Variants in AOPEP observed in about 807,000 individuals in gnomAD.
AOPEP encodes the protein aminopeptidase O.
Under a neutral mutation model 98.1 loss-of-function variants are expected in AOPEP, and 77 were observed. That is an observed-to-expected ratio of 0.78 (90% CI 0.65 to 0.95). The LOEUF is 0.95. AOPEP is among the 40% of genes least tolerant of loss of function. The pLI, the probability that AOPEP is intolerant of heterozygous loss-of-function variation, is 0.00. For synonymous variants in AOPEP, 346 were observed against 365.3 expected (o/e 0.95, Z 0.60); for missense variants, 1,024 against 1,024.7 (o/e 1.00, Z 0.01).
chr9:94,979,953 G>A (rs2060083174), intron 11 of AOPEP, among the ~76,000 whole-genome samples: 1 of 152,192 alleles, frequency 6.6e-6, no homozygotes, highest in African/African-American at 2.4e-5. Context: ...TCTCAGGCCG[G>A]CCTTCTCACC....
intron 5 of AOPEP, among the ~76,000 whole-genome samples, chr9:94,841,434 A>T (rs1332507597): frequency 2.6e-5 from 4 of 152,166 alleles, no homozygotes; most frequent in Non-Finnish European, 4.4e-5. Flanking sequence ...TTGGCCTCCC[A>T]AAGTGCTGGG....
intron 5 of AOPEP, among the ~76,000 whole-genome samples, chr9:94,913,054 AC>A (rs1485369615): frequency 6.6e-6 from 1 of 152,226 alleles, no homozygotes; most frequent in Non-Finnish European, 1.5e-5. Context: ...AAAGGTAACC[AC>A]CTAGGAATGG....
chr9:95,126,704 G>C, the AOPEP span: 1 of 986,226 alleles, frequency 1.0e-6, no homozygotes, highest in Non-Finnish European at 1.6e-6. Context: ...TACTCCTTTT[G>C]GTTAGAAGAA....
the AOPEP span, chr9:95,101,860 G>C: frequency 1.9e-6 from 3 of 1,613,836 alleles, no homozygotes; most frequent in Non-Finnish European, 2.5e-6. Flanking sequence ...TCTGCAATCA[G>C]GACAGAAGAG....
intron 1 of AOPEP, among the ~76,000 whole-genome samples, chr9:94,747,320 T>C (rs1834731773): frequency 6.6e-6 from 1 of 152,216 alleles, no homozygotes; most frequent in Admixed American, 6.5e-5. Context: ...CTTTTCATTA[T>C]GTTATCTTGC....
chr9:94,950,634 C>G (rs919871657), intron 7 of AOPEP, among the ~76,000 whole-genome samples: 3 of 152,240 alleles, frequency 2.0e-5, no homozygotes, highest in Admixed American at 2.0e-4. Flanking sequence ...GGTGGGGCAG[C>G]TGCGACTAAC....
intron 10 of AOPEP, among the ~76,000 whole-genome samples, chr9:94,969,556 C>T (rs548933173): frequency 1.1e-4 from 17 of 152,020 alleles, no homozygotes; most frequent in African/African-American, 2.9e-4. Context: ...TATAGGCGCC[C>T]GCCACCACGC....
intron 13 of AOPEP, among the ~76,000 whole-genome samples, chr9:95,027,529 A>G (rs1299702312): frequency 6.6e-6 from 1 of 152,138 alleles, no homozygotes; most frequent in Non-Finnish European, 1.5e-5. Context: ...ACTCAAACCA[A>G]TGTTTGTCAG....
intron 5 of AOPEP, among the ~76,000 whole-genome samples, chr9:94,905,691 AAC>A (rs1164991210): frequency 6.6e-6 from 1 of 152,178 alleles, no homozygotes; most frequent in Non-Finnish European, 1.5e-5. Context: ...TGCTCTGGGA[AAC>A]ACATGCACAC....
chr9:94,739,662 G>C (rs1473134016), intron 1 of AOPEP, among the ~76,000 whole-genome samples: 1 of 146,876 alleles, frequency 6.8e-6, no homozygotes, highest in Admixed American at 6.8e-5. Flanking sequence ...AAAAAAAAAA[G>C]ATTTGGAGTG....
chr9:94,885,687 A>G (rs991713826), intron 5 of AOPEP, among the ~76,000 whole-genome samples: 4 of 152,142 alleles, frequency 2.6e-5, no homozygotes, highest in Non-Finnish European at 4.4e-5. Flanking sequence ...AAACCCATCC[A>G]TAAGTGCCTA....
chr9:95,029,692 C>T (rs1281240256), intron 13 of AOPEP, among the ~76,000 whole-genome samples: 1 of 152,132 alleles, frequency 6.6e-6, no homozygotes, highest in Non-Finnish European at 1.5e-5. Context: ...GCATCTTCTC[C>T]AGCAGCTTAT....
chr9:95,009,300 T>TAAC (rs2132834534), intron 13 of AOPEP, among the ~76,000 whole-genome samples: 1 of 75,700 alleles, frequency 1.3e-5, no homozygotes, highest in South Asian at 4.3e-4. Flanking sequence ...ATACATATAA[T>TAAC]ATAAAGATTT....
intron 3 of AOPEP, among the ~76,000 whole-genome samples, chr9:94,783,697 T>C (rs1048272749): frequency 5.4e-4 from 82 of 152,214 alleles, no homozygotes; most frequent in African/African-American, 1.9e-3. Flanking sequence ...ATGTATATTA[T>C]ATATTTAAAA....
chr9:95,024,807 C>A (rs1339462759), intron 13 of AOPEP, among the ~76,000 whole-genome samples: 3 of 152,210 alleles, frequency 2.0e-5, no homozygotes, highest in Non-Finnish European at 4.4e-5. Flanking sequence ...ACTTTTCATA[C>A]GGTTAGATTT....
At chr9:95,140,842 T>G in the AOPEP span, among the ~76,000 whole-genome samples, 1 of 152,148 alleles carries the variant, frequency 6.6e-6, no homozygotes, top group African/African-American at 2.4e-5. Flanking sequence ...CATTATCATC[T>G]GCATGTACAG....
At chr9:94,905,903 G>A (rs1185023802) in intron 5 of AOPEP, among the ~76,000 whole-genome samples, 2 of 152,132 alleles carry the variant, frequency 1.3e-5, no homozygotes, top group East Asian at 3.8e-4. Flanking sequence ...GGAGGGGGCC[G>A]GGGCCCTGTA....
intron 13 of AOPEP, among the ~76,000 whole-genome samples, chr9:95,007,390 G>T (rs995074877): frequency 1.5e-3 from 11 of 7,362 alleles, no homozygotes; most frequent in South Asian, 0.013. Flanking sequence ...GGAGAAAGTG[G>T]GGGGGGGACT....
intron 1 of AOPEP, among the ~76,000 whole-genome samples, chr9:94,743,469 T>C (rs1263378163): frequency 6.6e-6 from 1 of 152,172 alleles, no homozygotes; most frequent in African/African-American, 2.4e-5. Context: ...GTTTAAGAAA[T>C]ATGCAGTCAC....
Sources: gnomAD v4.1 joint callset for allele counts (sites outside exome capture counted in the v4.1 genomes callset) on GRCh38, gnomAD v4.1.1 for gene constraint, MANE v1.5 for transcripts, NCBI Gene and HGNC (gene_info 2026-07-23, HGNC 2026-07-21) for gene names.